Variants in SPTAN1 observed in about 807,000 individuals in gnomAD.
SPTAN1 encodes spectrin alpha chain, non-erythrocytic 1.
A neutral mutation model predicts 331.3 loss-of-function variants in SPTAN1; 61 were observed. The ratio of observed to expected loss-of-function variants is 0.18; its 90% CI spans 0.15 to 0.23. The LOEUF is 0.23. Ranked by LOEUF, SPTAN1 falls within the 10% of genes least tolerant of loss-of-function variation. SPTAN1 has a pLI of 1.00. For missense variants in SPTAN1, 2,043 were observed against 3,147.9 expected (o/e 0.65, Z 8.40); for synonymous variants, 1,153 against 1,173.9 (o/e 0.98, Z 0.36).
intron 17 of SPTAN1, 41 bp downstream of exon 17, chr9:128,584,566 G>A: frequency 1.2e-6 from 2 of 1,613,968 alleles, no homozygotes; most frequent in Non-Finnish European, 1.7e-6. Context: ...CTTGGGAAAG[G>A]CTGTGCTATT....
chr9:128,562,082 G>A, intron 1 of SPTAN1, among the ~76,000 whole-genome samples: 1 of 152,134 alleles, frequency 6.6e-6, no homozygotes, highest in Non-Finnish European at 1.5e-5. Flanking sequence ...CATAGAGGAC[G>A]AGGCATTTGC....
intron 1 of SPTAN1, among the ~76,000 whole-genome samples, chr9:128,556,600 G>A (rs918810867): frequency 6.6e-6 from 1 of 152,202 alleles, no homozygotes; most frequent in Admixed American, 6.5e-5. Flanking sequence ...TGCATTTCTG[G>A]ATTTTGATGC....
At chr9:128,566,713 ATC>A in intron 1 of SPTAN1, 23 bp from the exon 2 acceptor site, 1 of 1,613,960 alleles carries the variant, frequency 6.2e-7, no homozygotes, top group Non-Finnish European at 8.5e-7. Flanking sequence ...ATTGGTACTT[ATC>A]TCAGCGCATT....
chr9:128,608,316 C>T, intron 34 of SPTAN1, 40 bp downstream of exon 34: 4 of 1,613,308 alleles, frequency 2.5e-6, no homozygotes, highest in Non-Finnish European at 3.4e-6. Context: ...CTGGATTTTT[C>T]CTGATTGACA....
intron 19 of SPTAN1, among the ~76,000 whole-genome samples, chr9:128,586,500 C>T (rs1014517223): frequency 2.6e-5 from 4 of 152,024 alleles, no homozygotes; most frequent in African/African-American, 9.7e-5. Context: ...TTCTCACTCA[C>T]CTTCAACCGT....
intron 39 of SPTAN1, 130 bp downstream of exon 39, chr9:128,612,376 A>AT: frequency 8.4e-7 from 1 of 1,185,992 alleles, no homozygotes; most frequent in East Asian, 2.3e-5. Flanking sequence ...AACCCTTATT[A>AT]TATATGAGTT....
intron 1 of SPTAN1, among the ~76,000 whole-genome samples, chr9:128,563,395 A>G (rs1324193124): frequency 6.6e-6 from 1 of 152,180 alleles, no homozygotes; most frequent in Non-Finnish European, 1.5e-5. Flanking sequence ...AGCCTGGGCA[A>G]CAGAGTGAGA....
At position 128,577,484 on chromosome 9, in the gene SPTAN1, G is replaced by T. The variant is rs988012905; in HGVS notation, c.1063G>T (p.Ala355Ser). 6.2e-7 allele frequency: 1 copy of T among 1,614,048 alleles called. No homozygotes were observed. Among genetic ancestry groups the T allele is most frequent in the African/African-American group, 1.3e-5 (1 of 75,056 alleles). The part of the protein sequence containing the change: ...QIRTLAAERH[A>S]RLNDSYRLQR... Reference sequence around the variant, plus strand: ...CCGCACCTTGGCGGCAGAGAGACATGCACGGCTCAATGATTCATACAGGTG... The same window carrying T: ...CCGCACCTTGGCGGCAGAGAGACATTCACGGCTCAATGATTCATACAGGTG... The change falls in exon 8 of 57, where the codon GCA becomes TCA. Residue 355 changes from alanine (A) to serine (S), a missense_variant. Around this residue, in one of 12 missense-constraint regions of SPTAN1, gnomAD observed 1,038 missense variants for 1,531.5 expected, o/e 0.68. Coordinates refer to ENST00000372739, the MANE Select transcript of SPTAN1 (RefSeq NM_001130438.3). The surrounding 1 kb of genome is among the most constrained non-coding windows in gnomAD (Gnocchi z 4.2).
In SPTAN1 at chr9:128,609,077, C is replaced by T. The variant is rs541729297; in HGVS notation, c.4596-45C>T. On this transcript the variant is annotated intron_variant, in intron 35 of 56. Transcript: ENST00000372739. ...TTCTGTCTCCCCACTTCCTTCTCCACGGTAAGATATGCTCATGTTGGATCT... is the reference window on the plus strand; with the variant it reads ...TTCTGTCTCCCCACTTCCTTCTCCATGGTAAGATATGCTCATGTTGGATCT... 37 of 1,614,152 alleles carry T rather than the reference C, an allele frequency of 2.3e-5. 1 individual carries two copies. Among genetic ancestry groups the T allele is most frequent in the South Asian group, 1.9e-4 (17 of 91,078 alleles).
At position 128,579,364 on chromosome 9, in the gene SPTAN1, G is replaced by A. The variant is rs77103380; in HGVS notation, c.1222-273G>A. On this transcript the variant is annotated intron_variant, in intron 9 of 56. Transcript: ENST00000372739. The stretch of plus-strand genomic sequence containing the variant: ...CACAAAGAAGACAGAGCCCTGGAAT[G>A]AAAGAGAGCTCAGACCCATGTGAAT... Among the ~76,000 whole-genome samples the A allele has an allele frequency of 0.031, 4,754 of 152,254 alleles. 248 individuals carry two copies. Among genetic ancestry groups the A allele is most frequent in the African/African-American group, 0.11 (4,444 of 41,534 alleles).
chr9:128,628,213 A>G (rs759686128), intron 51 of SPTAN1: 1 of 626,220 alleles, frequency 1.6e-6, no homozygotes, highest in South Asian at 1.5e-5. Flanking sequence ...AGGGAAGGTG[A>G]TGAAGCACGA....
At chr9:128,594,834 T>C in intron 24 of SPTAN1, among the ~76,000 whole-genome samples, 1 of 148,786 alleles carries the variant, frequency 6.7e-6, no homozygotes. Context: ...CAATTTTTTT[T>C]TTTTTCCTTT....
At position 128,626,594 on chromosome 9, in the gene SPTAN1, G is replaced by A. The variant is rs1179128176; in HGVS notation, c.6483G>A (p.Gln2161=). The A allele has an allele frequency of 3.1e-6, 5 of 1,614,034 alleles. No individual in the cohort carries two copies. The South Asian group carries it at 5.5e-5, about 18-fold the overall frequency. Reference sequence around the variant, plus strand: ...ACCAGCTGGCCGAGCTGGACCGCCAGATCAAGAGCTTCCGCGTAGCCTCCA... The same window carrying A: ...ACCAGCTGGCCGAGCTGGACCGCCAAATCAAGAGCTTCCGCGTAGCCTCCA... ...DFNQLAELDR[Q]IKSFRVASNP... Residue 2161 remains glutamine, a synonymous_variant, in exon 49 of 57, where the codon CAG becomes CAA. Transcript: ENST00000372739.
chr9:128,633,661 A>G lies in SPTAN1; in HGVS notation c.*327A>G, dbSNP rs1469950199. 4 of 1,469,138 alleles carry G rather than the reference A, an allele frequency of 2.7e-6. No individual in the cohort carries two copies. Among genetic ancestry groups the G allele is most frequent in the Non-Finnish European group, 3.7e-6 (4 of 1,079,756 alleles). The allele number at this position is 1,469,138 out of a possible 1,614,324, so 91.0% of individuals were successfully genotyped here. A position where few individuals can be genotyped will look rare whatever the true frequency, so the allele number is the denominator to read the frequency against. Reference sequence around the variant, plus strand: ...GACAAATAAATGATGACTTCCCCCAAAGCTTTGCTTTTCTTCATTTGGCTT... The same window carrying G: ...GACAAATAAATGATGACTTCCCCCAGAGCTTTGCTTTTCTTCATTTGGCTT... On this transcript the variant is annotated 3_prime_UTR_variant, in exon 57 of 57. Coordinates refer to ENST00000372739, the MANE Select transcript of SPTAN1 (RefSeq NM_001130438.3).
intron 3 of SPTAN1, among the ~76,000 whole-genome samples, chr9:128,570,755 C>T (rs532379181): frequency 2.8e-4 from 42 of 152,196 alleles, no homozygotes; most frequent in Non-Finnish European, 5.6e-4. Context: ...CTCCCAGTTT[C>T]AAGTGATTCT....
chr9:128,557,553 T>A (rs1479974176), intron 1 of SPTAN1, among the ~76,000 whole-genome samples: 1 of 151,910 alleles, frequency 6.6e-6, no homozygotes, highest in Non-Finnish European at 1.5e-5. Flanking sequence ...CAATTTTTTT[T>A]ATTTTTATAC....
At chr9:128,619,865 T>G (rs1381438869) in intron 44 of SPTAN1, among the ~76,000 whole-genome samples, 2 of 152,196 alleles carry the variant, frequency 1.3e-5, no homozygotes, top group African/African-American at 4.8e-5. Context: ...GATCTGTGGA[T>G]CAGCGGCATC....
intron 21 of SPTAN1, among the ~76,000 whole-genome samples, chr9:128,589,936 A>G (rs1853253617): frequency 6.6e-6 from 1 of 152,214 alleles, no homozygotes; most frequent in Non-Finnish European, 1.5e-5. Context: ...CATTGAAGAC[A>G]GCTGTGACCT....
At chr9:128,606,229 G>A (rs1481279596) in intron 31 of SPTAN1, among the ~76,000 whole-genome samples, 2 of 150,152 alleles carry the variant, frequency 1.3e-5, no homozygotes, top group South Asian at 2.1e-4. Context: ...CCAGCCGGGC[G>A]TGGTGGCACA....
Sources: allele counts gnomAD v4.1 joint callset (sites outside exome capture counted in the v4.1 genomes callset), GRCh38; gene constraint gnomAD v4.1.1; regional missense constraint gnomAD v4.1.1; non-coding constraint Gnocchi (gnomAD v3.1); transcripts MANE v1.5; gene names NCBI Gene and HGNC (gene_info 2026-07-23, HGNC 2026-07-21).